Variants in PET100 observed in about 807,000 individuals in gnomAD.
PET100 encodes the protein protein PET100 homolog, mitochondrial.
Under a neutral mutation model 13.6 loss-of-function variants are expected in PET100, and 13 were observed. The ratio of observed to expected loss-of-function variants is 0.96; its 90% CI spans 0.62 to 1.52. The LOEUF (loss-of-function observed/expected upper bound fraction) is 1.52. Ranked by LOEUF, PET100 falls within the 40% of genes most tolerant of loss-of-function variation. The pLI, the probability that PET100 is intolerant of heterozygous loss-of-function variation, is 0.00. For missense variants in PET100, 94 were observed against 95.3 expected, an observed-to-expected ratio of 0.99 and a Z score of 0.06; for synonymous variants, 28 against 30.8, an observed-to-expected ratio of 0.91 and a Z score of 0.30.
Position 7,631,805 on chromosome 19 carries a change from C to T in PET100, c.*249C>T, listed in dbSNP as rs146240104. On this transcript the variant is annotated 3_prime_UTR_variant, in exon 4 of 4. Coordinates refer to ENST00000594797, the MANE Select transcript of PET100 (RefSeq NM_001171155.2). ...AGGGTCCCAGCTCGTTTCTGTGCTCCGTCCTGTGGATGAAGAGGGGTCAGC... is the reference window on the plus strand; with the variant it reads ...AGGGTCCCAGCTCGTTTCTGTGCTCTGTCCTGTGGATGAAGAGGGGTCAGC... 3,712 of 1,403,424 alleles carry T rather than the reference C, an allele frequency of 2.6e-3. 6 individuals are homozygous for T. Among genetic ancestry groups the T allele is most frequent in the Non-Finnish European group, 3.0e-3 (3,252 of 1,073,656 alleles). 86.9% of individuals were successfully genotyped at this position (1,403,424 alleles called of 1,614,324 possible).
chr19:7,630,872 A>AGG, intron 3 of PET100, 26 bp downstream of exon 3: 4 of 1,537,080 alleles, frequency 2.6e-6, no homozygotes, highest in Non-Finnish European at 3.5e-6. Context: ...TTCCTGCCAG[A>AGG]GGGATGGAGG....
In PET100 at chr19:7,630,666, A is replaced by C. The variant is rs753554915; in HGVS notation, c.114+7A>C. On this transcript the variant is annotated splice_region_variant and intron_variant, in intron 2 of 3. Transcript: ENST00000594797. ...CGATGTCATACAGCGCAAGGTGGGC[A>C]TAAGAGGAGTGTTTGAGGGTTCATT... 2 of 1,536,586 alleles carry C rather than the reference A, an allele frequency of 1.3e-6. No homozygotes were observed. Among genetic ancestry groups the C allele is most frequent in the South Asian group, 2.4e-5 (2 of 84,058 alleles).
At position 7,631,785 on chromosome 19, in the gene PET100, C is replaced by T. The variant is rs150093748; in HGVS notation, c.*229C>T. On this transcript the variant is annotated 3_prime_UTR_variant, in exon 4 of 4. Transcript: ENST00000594797. ...TGAGCAGGGGTTGGGGACTGAGGGT[C>T]CCAGCTCGTTTCTGTGCTCCGTCCT... The T allele has an allele frequency of 1.4e-6, 2 of 1,416,918 alleles. No homozygotes were observed. Among genetic ancestry groups the T allele is most frequent in the Admixed American group, 5.4e-5 (2 of 36,966 alleles). 87.8% of individuals were successfully genotyped at this position (1,416,918 alleles called of 1,614,324 possible). A position where few individuals can be genotyped will look rare whatever the true frequency, so the allele number is the denominator to read the frequency against.
intron 3 of PET100, 52 bp from the exon 4 acceptor site, chr19:7,631,421 T>G: frequency 1.4e-6 from 2 of 1,450,230 alleles, no homozygotes; most frequent in Non-Finnish European, 1.8e-6. Context: ...GTCCCGGCTC[T>G]GAGGTGTGTG....
At position 7,631,507 on chromosome 19, in the gene PET100, G is replaced by A. The variant is rs764288722; in HGVS notation, c.173G>A (p.Arg58Gln). 1.1e-4 allele frequency: 168 copies of A among 1,536,106 alleles called. No homozygotes were observed. The highest frequency in any genetic ancestry group is 1.4e-4 in the Non-Finnish European group (162 of 1,146,758). Residue 58 changes from arginine to glutamine, a missense_variant, in exon 4 of 4, where the codon CGG (arginine) becomes CAG (glutamine). Arg to Gln is a conservative substitution (Grantham distance 43). Transcript: ENST00000594797. ...QEIEEFKERL[R>Q]KRREEKLLRD... ...ATAGAGGAATTCAAAGAGAGGTTAC[G>A]GAAGCGGCGGGAGGAGAAGCTCCTT...
rs779216093 is a variant in PET100 at position 7,631,833 on chromosome 19, G to C, written c.*277G>C. On this transcript the variant is annotated 3_prime_UTR_variant, in exon 4 of 4. Coordinates refer to ENST00000594797, the MANE Select transcript of PET100 (RefSeq NM_001171155.2). ...CCTGTGGATGAAGAGGGGTCAGCCA[G>C]GGGGAGGGCTCAAGGGCAGTGCCGG... 1.4e-6 allele frequency: 2 copies of C among 1,384,558 alleles called. No homozygotes were observed. Among genetic ancestry groups the C allele is most frequent in the Non-Finnish European group, 1.9e-6 (2 of 1,063,446 alleles). 85.8% of individuals were successfully genotyped at this position (1,384,558 alleles called of 1,614,324 possible). A position where few individuals can be genotyped will look rare whatever the true frequency, so the allele number is the denominator to read the frequency against.
Position 7,631,729 on chromosome 19 carries a change from C to G in PET100, c.*173C>G, listed in dbSNP as rs143514093. On this transcript the variant is annotated 3_prime_UTR_variant, in exon 4 of 4. Transcript: ENST00000594797. ...CGGGGGCTGGGGGCTGCTGTTCCGA[C>G]GGAAGCCGAGAGCGGTCGGGTCCTG... is the stretch of plus-strand genomic sequence containing the variant. The G allele has an allele frequency of 1.4e-6, 2 of 1,440,400 alleles. No individual in the cohort carries two copies. The highest frequency in any genetic ancestry group is 1.8e-6 in the Non-Finnish European group (2 of 1,094,272). The allele number at this position is 1,440,400 out of a possible 1,614,324, so 89.2% of individuals were successfully genotyped here.
At chr19:7,630,083 T>G (rs1337797163) in intron 1 of PET100, 1 of 427,566 alleles carries the variant, frequency 2.3e-6, no homozygotes, top group Non-Finnish European at 4.0e-6. Flanking sequence ...AGAGGGCTGG[T>G]CCGAGGAAGG....
rs377245024 is a variant in PET100 at position 7,631,743 on chromosome 19, G to A, written c.*187G>A. On this transcript the variant is annotated 3_prime_UTR_variant, in exon 4 of 4. Coordinates refer to ENST00000594797, the MANE Select transcript of PET100 (RefSeq NM_001171155.2). ...TGCTGTTCCGACGGAAGCCGAGAGC[G>A]GTCGGGTCCTGAGGGGTGAGCAGGG... The A allele has an allele frequency of 9.3e-5, 134 of 1,446,684 alleles. No individual in the cohort carries two copies. The highest frequency in any genetic ancestry group is 2.3e-4 in the Admixed American group (9 of 38,846). The allele number at this position is 1,446,684 out of a possible 1,614,324, so 89.6% of individuals were successfully genotyped here.
At chr19:7,631,410 G>GTCCCGGCTCT in intron 3 of PET100, 63 bp from the exon 4 acceptor site, 1 of 821,210 alleles carries the variant, frequency 1.2e-6, no homozygotes, top group Non-Finnish European at 1.8e-6. Context: ...GGGGGGGGGT[G>GTCCCGGCTCT]GTCCCGGCTC....
rs1159555601 is a variant in PET100 at position 7,629,849 on chromosome 19, G to A, written c.16G>A (p.Glu6Lys). ...GAGAAACGAGATGGGGGTGAAGCTGGAGATATTTCGGGTCAGTGGACACAG... is the reference window on the plus strand; with the variant it reads ...GAGAAACGAGATGGGGGTGAAGCTGAAGATATTTCGGGTCAGTGGACACAG... MGVKL[E>K]IFRMIIYLTF... Residue 6 changes from glutamate (E) to lysine (K), a missense_variant, in exon 1 of 4, where the codon GAG becomes AAG. Transcript: ENST00000594797. 3.3e-6 allele frequency: 5 copies of A among 1,535,448 alleles called. No homozygotes were observed. Among genetic ancestry groups the A allele is most frequent in the Non-Finnish European group, 4.4e-6 (5 of 1,146,218 alleles).
In PET100 at chr19:7,631,696, G is replaced by T. The variant is rs747602514; in HGVS notation, c.*140G>T. ...CCAGGATGCCTCAGGCCCTCAGGGG[G>T]CTTGTGTCGGGGGCTGGGGGCTGCT... is the stretch of plus-strand genomic sequence containing the variant. On this transcript the variant is annotated 3_prime_UTR_variant, in exon 4 of 4. Coordinates refer to ENST00000594797, the MANE Select transcript of PET100 (RefSeq NM_001171155.2). The T allele has an allele frequency of 3.4e-6, 5 of 1,454,984 alleles. No individual in the cohort carries two copies. Among genetic ancestry groups the T allele is most frequent in the South Asian group, 3.0e-5 (2 of 66,704 alleles). 90.1% of individuals were successfully genotyped at this position (1,454,984 alleles called of 1,614,324 possible).
In PET100 at chr19:7,631,721, T is replaced by C; in HGVS notation, c.*165T>C. 2 of 1,446,406 alleles carry C rather than the reference T, an allele frequency of 1.4e-6. No homozygotes were observed. The highest frequency in any genetic ancestry group is 1.8e-6 in the Non-Finnish European group (2 of 1,097,952). The allele number at this position is 1,446,406 out of a possible 1,614,324, so 89.6% of individuals were successfully genotyped here. On this transcript the variant is annotated 3_prime_UTR_variant, in exon 4 of 4. Transcript: ENST00000594797. ...GCTTGTGTCGGGGGCTGGGGGCTGC[T>C]GTTCCGACGGAAGCCGAGAGCGGTC...
chr19:7,630,801 C>G, intron 2 of PET100, 22 bp from the exon 3 acceptor site: 1 of 1,537,248 alleles, frequency 6.5e-7, no homozygotes. Context: ...GCTCGTGTCC[C>G]ATTTGTGACT....
intron 1 of PET100, chr19:7,630,263 C>T: frequency 2.2e-6 from 1 of 464,174 alleles, no homozygotes; most frequent in South Asian, 2.9e-5. Context: ...CTCCCGGGAT[C>T]TTAAGTGGGG....
rs567171903 is a variant in PET100 at position 7,629,841 on chromosome 19, T to C, written c.8T>C (p.Val3Ala). ...TTGACCGGGAGAAACGAGATGGGGG[T>C]GAAGCTGGAGATATTTCGGGTCAGT... Reference protein sequence around the residue: MGVKLEIFRMIIY... With the variant: MGAKLEIFRMIIY... The change falls in exon 1 of 4, where the codon GTG becomes GCG. Residue 3 changes from valine to alanine, a missense_variant. Coordinates refer to ENST00000594797, the MANE Select transcript of PET100 (RefSeq NM_001171155.2). 1.3e-6 allele frequency: 2 copies of C among 1,535,576 alleles called. No individual in the cohort carries two copies. The highest frequency in any genetic ancestry group is 2.4e-5 in the East Asian group (1 of 40,868).
At chr19:7,631,120 A>G (rs750321459) in intron 3 of PET100, 21 of 795,468 alleles carry the variant, frequency 2.6e-5, no homozygotes, top group Admixed American at 6.0e-5. Flanking sequence ...AGGGAGAAGA[A>G]TCACTTGAAC....
intron 3 of PET100, 56 bp downstream of exon 3, chr19:7,630,902 G>A (rs1425644816): frequency 3.3e-6 from 5 of 1,535,046 alleles, no homozygotes; most frequent in Middle Eastern, 3.3e-4. Flanking sequence ...TCTTGTATCC[G>A]GGATGGGTTT....
In PET100 at chr19:7,631,736, C is replaced by T. The variant is rs372643240; in HGVS notation, c.*180C>T. On this transcript the variant is annotated 3_prime_UTR_variant, in exon 4 of 4. Transcript: ENST00000594797. Reference sequence around the variant, plus strand: ...TGGGGGCTGCTGTTCCGACGGAAGCCGAGAGCGGTCGGGTCCTGAGGGGTG... The same window carrying T: ...TGGGGGCTGCTGTTCCGACGGAAGCTGAGAGCGGTCGGGTCCTGAGGGGTG... 70 of 1,440,256 alleles carry T rather than the reference C, an allele frequency of 4.9e-5. No homozygotes were observed. Among genetic ancestry groups the T allele is most frequent in the South Asian group, 1.6e-4 (10 of 62,488 alleles). The allele number at this position is 1,440,256 out of a possible 1,614,324, so 89.2% of individuals were successfully genotyped here. A position where few individuals can be genotyped will look rare whatever the true frequency, so the allele number is the denominator to read the frequency against.
Sources: allele counts gnomAD v4.1 joint callset, GRCh38; gene constraint gnomAD v4.1.1; transcripts MANE v1.5; gene names NCBI Gene and HGNC (gene_info 2026-07-23, HGNC 2026-07-21).